The following PDZRN4 variants were observed in gnomAD, a reference collection of about 807,000 sequenced individuals.
PDZRN4 encodes PDZ domain-containing RING finger protein 4.
In PDZRN4, 70 loss-of-function variants were observed where a neutral mutation model predicts 99.0. The ratio of observed to expected loss-of-function variants is 0.71; its 90% CI spans 0.58 to 0.86. PDZRN4 has a LOEUF of 0.86. Among genes scored for constraint, PDZRN4 ranks in the 40% least tolerant of loss-of-function variants. PDZRN4 has a pLI of 0.00. For synonymous variants in PDZRN4, 551 were observed against 501.6 expected (o/e 1.10, Z -1.32); for missense variants, 1,474 against 1,331.2 (o/e 1.11, Z -1.67).
chr12:41,269,412 G>A (rs894932557), intron 3 of PDZRN4, among the ~76,000 whole-genome samples: 12 of 152,094 alleles, frequency 7.9e-5, no homozygotes, highest in African/African-American at 2.9e-4. Context: ...ATAGCTTCTT[G>A]CAGCCCAACA....
In PDZRN4 at chr12:41,452,484, G is replaced by A. The variant is rs189556556; in HGVS notation, c.844-53972G>A. Among the ~76,000 whole-genome samples, 561 of 151,240 alleles carry A rather than the reference G, an allele frequency of 3.7e-3. 5 individuals are homozygous for A. Among genetic ancestry groups the A allele is most frequent in the Non-Finnish European group, 4.3e-3 (293 of 67,832 alleles). ...AAGAAAAATTATAGTAGTCAGAGGTGGGAACCAAGGAGTGGTCTTATGATG... is the reference window on the plus strand; with the variant it reads ...AAGAAAAATTATAGTAGTCAGAGGTAGGAACCAAGGAGTGGTCTTATGATG... On this transcript the variant is annotated intron_variant, in intron 3 of 9. Coordinates refer to ENST00000402685, the MANE Select transcript of PDZRN4 (RefSeq NM_001164595.2).
At chr12:41,397,321 T>C (rs1952254733) in intron 3 of PDZRN4, among the ~76,000 whole-genome samples, 1 of 152,200 alleles carries the variant, frequency 6.6e-6, no homozygotes, top group Non-Finnish European at 1.5e-5. Context: ...CTAGTAGATT[T>C]CTGTCTTATT....
intron 3 of PDZRN4, among the ~76,000 whole-genome samples, chr12:41,423,437 T>C (rs1236190110): frequency 6.6e-6 from 1 of 152,126 alleles, no homozygotes; most frequent in Non-Finnish European, 1.5e-5. Context: ...AGAATGATGG[T>C]TTCCAGCTCC....
chr12:41,570,898 A>T (rs1939459939), intron 9 of PDZRN4, among the ~76,000 whole-genome samples: 1 of 152,170 alleles, frequency 6.6e-6, no homozygotes, highest in Admixed American at 6.5e-5. Context: ...GGAAAGAAAG[A>T]TTGAGAGTCA....
At chr12:41,551,647 C>T (rs1053233904) in intron 5 of PDZRN4, among the ~76,000 whole-genome samples, 1 of 152,152 alleles carries the variant, frequency 6.6e-6, no homozygotes, top group African/African-American at 2.4e-5. Flanking sequence ...AAATTCAGAG[C>T]TCCCACAGAG....
intron 3 of PDZRN4, among the ~76,000 whole-genome samples, chr12:41,235,856 A>G (rs906022341): frequency 1.1e-4 from 17 of 152,196 alleles, no homozygotes; most frequent in African/African-American, 4.1e-4. Flanking sequence ...CTTGAACATT[A>G]CCAGGCATCA....
At chr12:41,521,667 C>G (rs1236321627) in intron 5 of PDZRN4, among the ~76,000 whole-genome samples, 5 of 152,042 alleles carry the variant, frequency 3.3e-5, no homozygotes, top group Non-Finnish European at 7.4e-5. Context: ...CCTGTCACAG[C>G]TAGTTAATGG....
chr12:41,480,851 C>T lies in PDZRN4; in HGVS notation c.844-25605C>T, dbSNP rs113349020. 9.6e-3 allele frequency among the ~76,000 whole-genome samples: 1,465 copies of T among 152,028 alleles called. 23 individuals are homozygous for T. The highest frequency in any genetic ancestry group is 0.033 in the African/African-American group (1,354 of 41,476). On this transcript the variant is annotated intron_variant, in intron 3 of 9. Coordinates refer to ENST00000402685, the MANE Select transcript of PDZRN4 (RefSeq NM_001164595.2). ...GAATTAAGAATAAATACGATTTCAG[C>T]AGGTGATACAGAATATAATTTCAAA...
intron 7 of PDZRN4, among the ~76,000 whole-genome samples, chr12:41,559,163 TCTCA>T (rs533670915): frequency 8.7e-4 from 120 of 138,610 alleles, no homozygotes; most frequent in African/African-American, 3.2e-3. Context: ...CCCAATGACA[TCTCA>T]CTCACACACA....
At chr12:41,406,345 A>C (rs190881356) in intron 3 of PDZRN4, among the ~76,000 whole-genome samples, 218 of 152,094 alleles carry the variant, frequency 1.4e-3, no homozygotes, top group African/African-American at 4.9e-3. Flanking sequence ...TTGAAAACGA[A>C]ACAAAAAAAT....
intron 3 of PDZRN4, among the ~76,000 whole-genome samples, chr12:41,227,712 G>T (rs917097110): frequency 6.6e-6 from 1 of 151,936 alleles, no homozygotes; most frequent in Non-Finnish European, 1.5e-5. Flanking sequence ...ATGCTACCAG[G>T]ATCTCTAGTG....
chr12:41,191,540 A>G lies in PDZRN4; in HGVS notation c.731A>G (p.Asn244Ser). Reference sequence around the variant, plus strand: ...TTCAATATTATAGGAGGTCGACCAAATCAGGTAAAACACCTTGTTAATGCA... The same window carrying G: ...TTCAATATTATAGGAGGTCGACCAAGTCAGGTAAAACACCTTGTTAATGCA... ...LGFNIIGGRP[N>S]QNNQEGTSTE... The change falls in exon 2 of 10, where the codon AAT becomes AGT. Residue 244 changes from asparagine to serine, a missense_variant. By Grantham distance (46) the Asn-to-Ser change is conservative (BLOSUM62 1). Transcript: ENST00000402685. The G allele has an allele frequency of 2.0e-6, 3 of 1,467,290 alleles. No individual in the cohort carries two copies. Among genetic ancestry groups the G allele is most frequent in the Non-Finnish European group, 2.8e-6 (3 of 1,060,672 alleles). 90.9% of individuals were successfully genotyped at this position (1,467,290 alleles called of 1,614,324 possible).
At chr12:41,413,293 C>T (rs1449463924) in intron 3 of PDZRN4, among the ~76,000 whole-genome samples, 2 of 152,010 alleles carry the variant, frequency 1.3e-5, no homozygotes, top group African/African-American at 2.4e-5. Context: ...TATGTTCTCA[C>T]TCATATGTGG....
intron 3 of PDZRN4, among the ~76,000 whole-genome samples, chr12:41,367,114 C>G (rs1319477469): frequency 6.6e-6 from 1 of 152,082 alleles, no homozygotes; most frequent in Non-Finnish European, 1.5e-5. Context: ...ATGTGCAACA[C>G]CTTTGTGCCT....
chr12:41,513,876 A>G (rs1056137205), intron 5 of PDZRN4, among the ~76,000 whole-genome samples: 4 of 152,132 alleles, frequency 2.6e-5, no homozygotes, highest in African/African-American at 9.7e-5. Context: ...TAATGCTGAT[A>G]GAGGGGTCAG....
intron 3 of PDZRN4, among the ~76,000 whole-genome samples, chr12:41,318,821 C>T (rs1452428970): frequency 6.6e-6 from 1 of 152,060 alleles, no homozygotes; most frequent in African/African-American, 2.4e-5. Flanking sequence ...CTTTCACTTA[C>T]AACTGTTTGA....
chr12:41,525,655 T>C (rs1938555985), intron 5 of PDZRN4, among the ~76,000 whole-genome samples: 1 of 152,138 alleles, frequency 6.6e-6, no homozygotes, highest in African/African-American at 2.4e-5. Context: ...ATTTAACCAT[T>C]GTAAGTCTCA....
At chr12:41,339,501 A>T (rs1443506738) in intron 3 of PDZRN4, among the ~76,000 whole-genome samples, 1 of 152,156 alleles carries the variant, frequency 6.6e-6, no homozygotes, top group Non-Finnish European at 1.5e-5. Flanking sequence ...TCTCTCCAGG[A>T]CATTGGACTG....
At chr12:41,421,195 T>TTATA (rs1952486607) in intron 3 of PDZRN4, among the ~76,000 whole-genome samples, 1 of 152,146 alleles carries the variant, frequency 6.6e-6, no homozygotes, top group Non-Finnish European at 1.5e-5. Context: ...GTTATTAGAC[T>TTATA]ACTATTTGTT....
Sources: allele counts gnomAD v4.1 joint callset (sites outside exome capture counted in the v4.1 genomes callset), GRCh38; gene constraint gnomAD v4.1.1; transcripts MANE v1.5; gene names NCBI Gene and HGNC (gene_info 2026-07-23, HGNC 2026-07-21).